MAGI3: variants seen among roughly 807,000 people sequenced by gnomAD.
The protein encoded by MAGI3 is membrane associated guanylate kinase, WW and PDZ domain containing 3.
A neutral mutation model predicts 121.8 loss-of-function variants in MAGI3; 43 were observed. That is an observed-to-expected ratio of 0.35 (90% confidence interval 0.28 to 0.46). The LOEUF is 0.46. Among genes scored for constraint, MAGI3 ranks in the 20% least tolerant of loss-of-function variants. The pLI is 1.00. For synonymous variants in MAGI3, 553 were observed against 639.3 expected, an observed-to-expected ratio of 0.86 and a Z score of 2.04; for missense variants, 1,547 against 1,797.3, an observed-to-expected ratio of 0.86 and a Z score of 2.52.
chr1:113,657,758 G>A (rs1653559827), intron 15 of MAGI3, among the ~76,000 whole-genome samples: 1 of 152,142 alleles, frequency 6.6e-6, no homozygotes, highest in Admixed American at 6.5e-5. Flanking sequence ...TTTCTGCACT[G>A]GCATTTCTCT....
At chr1:113,507,363 G>A (rs936609764) in intron 1 of MAGI3, among the ~76,000 whole-genome samples, 1 of 152,224 alleles carries the variant, frequency 6.6e-6, no homozygotes, top group Non-Finnish European at 1.5e-5. Context: ...TAAGGGGATA[G>A]CGTTTATGTT....
chr1:113,418,040 T>G (rs1238759725), intron 1 of MAGI3, among the ~76,000 whole-genome samples: 1 of 152,128 alleles, frequency 6.6e-6, no homozygotes, highest in Admixed American at 6.5e-5. Flanking sequence ...TCTGGGCTTT[T>G]TCGACCTAAG....
At chr1:113,631,016 C>T (rs763487501) in intron 9 of MAGI3, among the ~76,000 whole-genome samples, 9 of 152,302 alleles carry the variant, frequency 5.9e-5, no homozygotes, top group South Asian at 4.1e-4. Context: ...ATGGGCAATT[C>T]CCCTATGGCT....
intron 1 of MAGI3, among the ~76,000 whole-genome samples, chr1:113,479,862 C>T (rs1166828985): frequency 6.6e-6 from 1 of 152,060 alleles, no homozygotes. Flanking sequence ...TCTGCTTGAT[C>T]AAGTGTGCTG....
chr1:113,433,347 ATTTG>A (rs991728522), intron 1 of MAGI3, among the ~76,000 whole-genome samples: 1 of 152,074 alleles, frequency 6.6e-6, no homozygotes, highest in Non-Finnish European at 1.5e-5. Flanking sequence ...GAGATTTTTC[ATTTG>A]TTTGTTTTCA....
rs535374542 is a variant in MAGI3 at position 113,432,011 on chromosome 1, T to G, written c.316+40662T>G. ...GCTTCACAGAGATAGATAAATAGAC[T>G]AGTGAAGCAGAATATAGGCACAGAA... On this transcript the variant is annotated intron_variant, in intron 1 of 20. Transcript: ENST00000307546. Among the ~76,000 whole-genome samples the G allele has an allele frequency of 4.6e-5, 7 of 152,274 alleles. No individual in the cohort carries two copies. The South Asian group carries it at 1.5e-3, about 32-fold the overall frequency.
chr1:113,590,638 A>G lies in MAGI3; in HGVS notation c.918A>G (p.Thr306=), dbSNP rs1256283761. ...ACTGGGAAATGGCCTACACTGACAC[A>G]GGGATGATCTACTTCATTGAGTAAG... The part of the protein sequence containing the change: ...PKNWEMAYTD[T]GMIYFIDHNT... The change falls in exon 5 of 21, where the codon ACA becomes ACG. Residue 306 remains threonine, a synonymous_variant. Transcript: ENST00000307546. 6.2e-6 allele frequency: 10 copies of G among 1,613,494 alleles called. No individual in the cohort carries two copies. The highest frequency in any genetic ancestry group is 8.5e-6 in the Non-Finnish European group (10 of 1,179,656).
intron 1 of MAGI3, among the ~76,000 whole-genome samples, chr1:113,408,803 A>C (rs1651821335): frequency 6.6e-6 from 1 of 152,068 alleles, no homozygotes; most frequent in Non-Finnish European, 1.5e-5. Context: ...TTACAGCCAA[A>C]GTATTTGTTA....
intron 1 of MAGI3, among the ~76,000 whole-genome samples, chr1:113,528,360 G>T (rs1345790030): frequency 1.4e-5 from 2 of 143,808 alleles, no homozygotes; most frequent in East Asian, 2.0e-4. Context: ...TTCTAAATTT[G>T]TCTGATTGCT....
chr1:113,638,724 T>C, intron 9 of MAGI3, among the ~76,000 whole-genome samples: 1 of 120,184 alleles, frequency 8.3e-6, no homozygotes, highest in Non-Finnish European at 1.8e-5. Flanking sequence ...TTCTCAGATC[T>C]CCAGCTGCGT....
intron 1 of MAGI3, among the ~76,000 whole-genome samples, chr1:113,443,567 T>C (rs1557760066): frequency 6.6e-6 from 1 of 152,358 alleles, no homozygotes; most frequent in East Asian, 1.9e-4. Context: ...ACCAAGATCA[T>C]TTATGATGCT....
intron 2 of MAGI3, among the ~76,000 whole-genome samples, chr1:113,567,769 G>C (rs1557827555): frequency 6.6e-6 from 1 of 152,118 alleles, no homozygotes; most frequent in East Asian, 1.9e-4. Flanking sequence ...AACAGGAAAA[G>C]ACAGAAGGCT....
In MAGI3 at chr1:113,549,503, TC is replaced by T; in HGVS notation, c.317-11del. 1 of 1,433,330 alleles carries T rather than the reference TC, an allele frequency of 7.0e-7. No individual in the cohort carries two copies. The highest frequency in any genetic ancestry group is 9.6e-7 in the Non-Finnish European group (1 of 1,039,762). 88.8% of individuals were successfully genotyped at this position (1,433,330 alleles called of 1,614,324 possible). A position where few individuals can be genotyped will look rare whatever the true frequency, so the allele number is the denominator to read the frequency against. Reference sequence around the variant, plus strand: ...ATTTATTTTCTGTTTTTTTTTTTTGTCTTTGCTCCAGGCAAAGTCATTAATA... The same window carrying T: ...ATTTATTTTCTGTTTTTTTTTTTTGTTTTGCTCCAGGCAAAGTCATTAATA... On this transcript the variant is annotated splice_polypyrimidine_tract_variant and intron_variant, in intron 1 of 20. Transcript: ENST00000307546.
chr1:113,630,955 C>A (rs1651591091), intron 9 of MAGI3, among the ~76,000 whole-genome samples: 1 of 152,202 alleles, frequency 6.6e-6, no homozygotes. Context: ...GCCCAGAGCA[C>A]TCCAGCCCCC....
intron 1 of MAGI3, among the ~76,000 whole-genome samples, chr1:113,468,637 TAA>T (rs1184341980): frequency 6.6e-6 from 1 of 152,142 alleles, no homozygotes; most frequent in East Asian, 1.9e-4. Flanking sequence ...GCCGTAAGTG[TAA>T]AACACATGCT....
intron 2 of MAGI3, among the ~76,000 whole-genome samples, chr1:113,572,031 T>A (rs1159661486): frequency 1.3e-5 from 2 of 152,204 alleles, no homozygotes; most frequent in Admixed American, 1.3e-4. Flanking sequence ...GCTGTGGGTT[T>A]GTCATAAATA....
At chr1:113,393,161 A>G in intron 1 of MAGI3, among the ~76,000 whole-genome samples, 1 of 152,288 alleles carries the variant, frequency 6.6e-6, no homozygotes, top group Non-Finnish European at 1.5e-5. Flanking sequence ...TATATTTAAC[A>G]ATAATTCAAG....
chr1:113,573,388 C>T (rs1037064467), intron 2 of MAGI3, among the ~76,000 whole-genome samples: 3 of 152,186 alleles, frequency 2.0e-5, no homozygotes, highest in Non-Finnish European at 4.4e-5. Flanking sequence ...GATTCTGGTA[C>T]ATTTTGTCTT....
At chr1:113,397,491 C>CA (rs1651178348) in intron 1 of MAGI3, among the ~76,000 whole-genome samples, 1 of 152,028 alleles carries the variant, frequency 6.6e-6, no homozygotes, top group African/African-American at 2.4e-5. Context: ...AGGGCAAAAA[C>CA]GTTCCATACA....
Sources: gnomAD v4.1 joint callset for allele counts (sites outside exome capture counted in the v4.1 genomes callset) on GRCh38, gnomAD v4.1.1 for gene constraint, MANE v1.5 for transcripts, NCBI Gene and HGNC (gene_info 2026-07-23, HGNC 2026-07-21) for gene names.